TTC7B: variants seen among roughly 807,000 people sequenced by gnomAD.
The protein encoded by TTC7B is tetratricopeptide repeat protein 7B.
Under a neutral mutation model 106.8 loss-of-function variants are expected in TTC7B, and 28 were observed. That is an observed-to-expected ratio of 0.26 (90% CI 0.19 to 0.36). The LOEUF (loss-of-function observed/expected upper bound fraction) is 0.36. Ranked by LOEUF, TTC7B falls within the 10% of genes least tolerant of loss-of-function variation. TTC7B has a pLI of 1.00. For synonymous variants in TTC7B, 405 were observed against 430.6 expected, an observed-to-expected ratio of 0.94 and a Z score of 0.74; for missense variants, 862 against 1,076.4, an observed-to-expected ratio of 0.80 and a Z score of 2.79.
intron 19 of TTC7B, among the ~76,000 whole-genome samples, chr14:90,553,452 C>T (rs1038977247): frequency 3.9e-5 from 6 of 152,218 alleles, no homozygotes; most frequent in African/African-American, 1.4e-4. Context: ...CGATGCACAG[C>T]CCCTGCTGCT....
Position 90,533,233 on chromosome 14 carries a change from AC to A in TTC7B, c.*8134del, listed in dbSNP as rs1469118406. 1 of 151,982 alleles carries A rather than the reference AC, an allele frequency of 6.6e-6. No homozygotes were observed. Among genetic ancestry groups the A allele is most frequent in the African/African-American group, 2.4e-5 (1 of 41,320 alleles). The allele number at this position is 151,982 out of a possible 1,614,324, so 9.4% of individuals were successfully genotyped here. On this transcript the variant is annotated 3_prime_UTR_variant, in exon 20 of 20. Coordinates refer to ENST00000328459, the MANE Select transcript of TTC7B (RefSeq NM_001010854.2). ...TGACCAAGTGGGACAGGGATGCATG[AC>A]CCTCCTCAGGCCTTGGCTGGACCCA... is the stretch of plus-strand genomic sequence containing the variant.
intron 1 of TTC7B, among the ~76,000 whole-genome samples, chr14:90,797,818 C>T (rs1185885233): frequency 6.6e-6 from 1 of 152,126 alleles, no homozygotes; most frequent in Non-Finnish European, 1.5e-5. Context: ...ACGAGACAAC[C>T]TATAAGGTCC....
chr14:90,620,228 G>A (rs117259702), intron 15 of TTC7B, among the ~76,000 whole-genome samples: 24 of 152,040 alleles, frequency 1.6e-4, no homozygotes, highest in African/African-American at 5.3e-4. Flanking sequence ...ACAAGCAGAT[G>A]AGCATAAAGA....
intron 5 of TTC7B, among the ~76,000 whole-genome samples, chr14:90,711,541 C>T (rs979103027): frequency 6.6e-6 from 1 of 152,164 alleles, no homozygotes; most frequent in Non-Finnish European, 1.5e-5. Context: ...CATGCCTCAG[C>T]CCCCCAAGTA....
intron 15 of TTC7B, among the ~76,000 whole-genome samples, chr14:90,640,617 C>T (rs1179002420): frequency 7.9e-5 from 12 of 152,060 alleles, no homozygotes; most frequent in Non-Finnish European, 1.6e-4. Context: ...TGATTTTATT[C>T]CATATTTAAG....
chr14:90,582,391 G>A (rs184613616), intron 18 of TTC7B, among the ~76,000 whole-genome samples: 37 of 152,354 alleles, frequency 2.4e-4, no homozygotes, highest in Middle Eastern at 3.4e-3. Flanking sequence ...CCTGTGCCTA[G>A]CCCATAGCTC....
chr14:90,698,069 C>G (rs1887833721), intron 5 of TTC7B: 1 of 152,352 alleles, frequency 6.6e-6, no homozygotes, highest in Middle Eastern at 3.4e-3. Flanking sequence ...ATCAATCGGA[C>G]AGCAAGAAGA....
intron 5 of TTC7B, among the ~76,000 whole-genome samples, chr14:90,728,337 C>CAAAAA (rs35504744): frequency 2.5e-4 from 10 of 40,046 alleles, no homozygotes; most frequent in African/African-American, 4.2e-4. Flanking sequence ...GTCCCCCCCG[C>CAAAAA]AAAAAAAAAA....
At chr14:90,753,656 G>A (rs1247085243) in intron 3 of TTC7B, among the ~76,000 whole-genome samples, 2 of 152,214 alleles carry the variant, frequency 1.3e-5, no homozygotes, top group African/African-American at 4.8e-5. Context: ...CCCCTGTGAG[G>A]TCCCTGTCAA....
chr14:90,696,733 T>C (rs1250984690), intron 5 of TTC7B, among the ~76,000 whole-genome samples: 3 of 152,172 alleles, frequency 2.0e-5, no homozygotes, highest in African/African-American at 7.2e-5. Context: ...AATACTCCCA[T>C]AGTCCTCTCA....
intron 19 of TTC7B, among the ~76,000 whole-genome samples, chr14:90,568,019 T>C (rs1161766048): frequency 1.3e-5 from 2 of 151,678 alleles, no homozygotes; most frequent in Admixed American, 6.6e-5. Flanking sequence ...CAATGGGGAG[T>C]CTCTGGGACC....
rs916994681 is a variant in TTC7B at position 90,672,055 on chromosome 14, C to T, written c.1152+4468G>A. On this transcript the variant is annotated intron_variant, in intron 9 of 19. Transcript: ENST00000328459. ...CATGTGCTGGCAGTGGCAGCAGAGGCGCCCCCACCCTCTGTGGTGCCCGTG... is the reference window on the plus strand; with the variant it reads ...CATGTGCTGGCAGTGGCAGCAGAGGTGCCCCCACCCTCTGTGGTGCCCGTG... 4.6e-5 allele frequency among the ~76,000 whole-genome samples: 7 copies of T among 152,180 alleles called. No homozygotes were observed. The South Asian group carries it at 6.2e-4, about 14-fold the overall frequency.
chr14:90,538,241 CGGATGGATGGATGGAT>C lies in TTC7B; in HGVS notation c.*3111_*3126del, dbSNP rs71117363. On this transcript the variant is annotated 3_prime_UTR_variant, in exon 20 of 20. Coordinates refer to ENST00000328459, the MANE Select transcript of TTC7B (RefSeq NM_001010854.2). ...GCGTCCTCATCTATTAATGGATGGACGGATGGATGGATGGATGGATGGATGGATGGATGGATGGATG... is the reference window on the plus strand; with the variant it reads ...GCGTCCTCATCTATTAATGGATGGACGGATGGATGGATGGATGGATGGATG... 373 of 149,570 alleles carry C rather than the reference CGGATGGATGGATGGAT, an allele frequency of 2.5e-3. 2 individuals carry two copies. The highest frequency in any genetic ancestry group is 8.2e-3 in the African/African-American group (333 of 40,386). 9.3% of individuals were successfully genotyped at this position (149,570 alleles called of 1,614,324 possible). A position where few individuals can be genotyped will look rare whatever the true frequency, so the allele number is the denominator to read the frequency against.
At chr14:90,610,597 C>T in intron 17 of TTC7B, 145 bp downstream of exon 17, 1 of 649,584 alleles carries the variant, frequency 1.5e-6, no homozygotes, top group Admixed American at 2.3e-5. Flanking sequence ...GACACTGGAG[C>T]AATGCACCTC....
In TTC7B at chr14:90,805,950, G is replaced by A. The variant is rs970308473; in HGVS notation, c.121+10225C>T. On this transcript the variant is annotated intron_variant, in intron 1 of 19. Coordinates refer to ENST00000328459, the MANE Select transcript of TTC7B (RefSeq NM_001010854.2). This position sits in a 1 kb window ranked among gnomAD's most constrained non-coding sequence, Gnocchi z 4.0. ...CCTTCCTCCTGGTTCCTCCCATGCAGGATAAGCAGCTGACATGCAAAGATT... is the reference window on the plus strand; with the variant it reads ...CCTTCCTCCTGGTTCCTCCCATGCAAGATAAGCAGCTGACATGCAAAGATT... Among the ~76,000 whole-genome samples the A allele has an allele frequency of 6.6e-6, 1 of 152,200 alleles. No homozygotes were observed. Among genetic ancestry groups the A allele is most frequent in the Non-Finnish European group, 1.5e-5 (1 of 68,034 alleles).
At chr14:90,644,277 ACACG>A (rs10577879) in intron 14 of TTC7B, 69 bp from the exon 15 acceptor site, 138,781 of 1,064,112 alleles carry the variant, frequency 0.13, 2,720 homozygotes, top group East Asian at 0.26. Flanking sequence ...ACACACACAC[ACACG>A]CGCGAAAGAA....
intron 13 of TTC7B, among the ~76,000 whole-genome samples, chr14:90,647,620 G>A (rs1438387987): frequency 6.6e-6 from 1 of 152,190 alleles, no homozygotes; most frequent in Non-Finnish European, 1.5e-5. Context: ...TAACTGTCGT[G>A]TAAGAGTGTG....
At chr14:90,785,946 A>G (rs182883737) in intron 2 of TTC7B, among the ~76,000 whole-genome samples, 1 of 152,312 alleles carries the variant, frequency 6.6e-6, no homozygotes, top group East Asian at 1.9e-4. Context: ...ATGACGTGTC[A>G]TTGAAGACTC....
intron 19 of TTC7B, among the ~76,000 whole-genome samples, chr14:90,548,469 G>A (rs1338658763): frequency 6.6e-6 from 1 of 152,224 alleles, no homozygotes; most frequent in Non-Finnish European, 1.5e-5. Flanking sequence ...AAGTGTGCAT[G>A]TGCAAGCCAT....
Sources: allele counts gnomAD v4.1 joint callset (sites outside exome capture counted in the v4.1 genomes callset), GRCh38; gene constraint gnomAD v4.1.1; non-coding constraint Gnocchi (gnomAD v3.1); transcripts MANE v1.5; gene names NCBI Gene and HGNC (gene_info 2026-07-23, HGNC 2026-07-21).